The following NT5C variants were observed in gnomAD, a reference collection of about 807,000 sequenced individuals.
NT5C encodes the protein 5', 3'-nucleotidase, cytosolic.
A neutral mutation model predicts 17.6 loss-of-function variants in NT5C; 14 were observed. The observed-to-expected ratio is 0.79, with a 90% CI of 0.52 to 1.24. NT5C has a LOEUF of 1.24. Ranked by LOEUF, NT5C falls within the 50% of genes most tolerant of loss-of-function variation. The pLI is 0.00. For synonymous variants in NT5C, 153 were observed against 119.2 expected, an observed-to-expected ratio of 1.28 and a Z score of -1.85; for missense variants, 328 against 278.3, an observed-to-expected ratio of 1.18 and a Z score of -1.27.
At position 75,130,551 on chromosome 17, in the gene NT5C, G is replaced by A. The variant is rs1291111517; in HGVS notation, c.543C>T (p.Leu181=). 1.9e-6 allele frequency: 3 copies of A among 1,614,114 alleles called. No individual in the cohort carries two copies. Among genetic ancestry groups the A allele is most frequent in the Admixed American group, 1.7e-5 (1 of 60,016 alleles). Residue 181 remains leucine, a synonymous_variant, in exon 5 of 5, where the codon CTC becomes CTT. Coordinates refer to ENST00000245552, the MANE Select transcript of NT5C (RefSeq NM_014595.3). ...TCTCCCTCCAGTTGTCACTCCAGGA[G>A]AGCAGCCGTCTCCTTGTCGGGGGCA... The part of the protein sequence containing the change: ...LVLPPTRRRL[L]SWSDNWREIL...
rs4788867 is a variant in NT5C, at chr17:75,131,588, T to C, written c.120A>G (p.Gln40=). Residue 40 remains glutamine, a synonymous_variant, in exon 1 of 5, where the codon CAA becomes CAG. Coordinates refer to ENST00000245552, the MANE Select transcript of NT5C (RefSeq NM_014595.3). ...GCTCGCGGGCCAGGAAGCCGCGGCG[T>C]TGCTCCAGCGGCACGTGCGGCTCCT... The part of the protein sequence containing the change: ...FPEEPHVPLE[Q]RRGFLAREQY... 0.67 allele frequency: 937,939 copies of C among 1,390,974 alleles called. 322,369 individuals are homozygous for C. The highest frequency in any genetic ancestry group is 0.71 in the Non-Finnish European group (763,575 of 1,080,104). 86.2% of individuals were successfully genotyped at this position (1,390,974 alleles called of 1,614,324 possible).
At chr17:75,131,444 G>A (rs1340376413) in intron 1 of NT5C, 90 bp downstream of exon 1, 1 of 1,417,340 alleles carries the variant, frequency 7.1e-7, no homozygotes, top group Non-Finnish European at 9.3e-7. Context: ...GGGTTCCAGG[G>A]TGAGAGCTCT....
At chr17:75,131,015 A>C (rs3736076) in intron 3 of NT5C, 30 bp downstream of exon 3, 26 of 1,609,006 alleles carry the variant, frequency 1.6e-5, no homozygotes, top group Non-Finnish European at 2.1e-5. Context: ...AGGCAGCTCC[A>C]CGTGCGGAGT....
rs2074097272 is a variant in NT5C at position 75,130,416 on chromosome 17, G to A, written c.*72C>T. 1.3e-6 allele frequency: 2 copies of A among 1,569,538 alleles called. No individual in the cohort carries two copies. The highest frequency in any genetic ancestry group is 1.7e-5 in the Admixed American group (1 of 58,396). ...AGAGGCACCAGCACGATGCCGCCCC[G>A]ACTCGGCTCTGCGGTGGCCCCTGTG... On this transcript the variant is annotated 3_prime_UTR_variant, in exon 5 of 5. Coordinates refer to ENST00000245552, the MANE Select transcript of NT5C (RefSeq NM_014595.3).
rs3752801 is a variant in NT5C, at chr17:75,130,365, A to G, written c.*123T>C. 0.012 allele frequency: 14,481 copies of G among 1,253,924 alleles called. 1,874 individuals carry two copies. In the East Asian group the frequency reaches 0.29, roughly 25 times the overall value. 77.7% of individuals were successfully genotyped at this position (1,253,924 alleles called of 1,614,324 possible). ...GCCCGGTAGCACAGCGCTTAACGGT[A>G]TCTGCCTGCTCCACTCCACGGGGCC... is the stretch of plus-strand genomic sequence containing the variant. On this transcript the variant is annotated 3_prime_UTR_variant, in exon 5 of 5. Coordinates refer to ENST00000245552, the MANE Select transcript of NT5C (RefSeq NM_014595.3).
intron 3 of NT5C, 75 bp downstream of exon 3, chr17:75,130,970 G>A (rs771216623): frequency 6.9e-6 from 11 of 1,602,200 alleles, no homozygotes; most frequent in Non-Finnish European, 8.5e-6. Context: ...CCCACCTTCT[G>A]GGTTTCTGGT....
Position 75,131,736 on chromosome 17 carries a change from G to T in NT5C, c.-29C>A, listed in dbSNP as rs1193608607. The T allele has an allele frequency of 6.4e-6, 8 of 1,257,834 alleles. No individual in the cohort carries two copies. The highest frequency in any genetic ancestry group is 4.2e-5 in the Admixed American group (1 of 23,714). 77.9% of individuals were successfully genotyped at this position (1,257,834 alleles called of 1,614,324 possible). A position where few individuals can be genotyped will look rare whatever the true frequency, so the allele number is the denominator to read the frequency against. Reference sequence around the variant, plus strand: ...CGCCGGGCCGGAGCTGCGAGCTCTCGGGGTCTGGGGGGCGCGGGCTCGGCC... The same window carrying T: ...CGCCGGGCCGGAGCTGCGAGCTCTCTGGGTCTGGGGGGCGCGGGCTCGGCC... On this transcript the variant is annotated 5_prime_UTR_variant, in exon 1 of 5. Transcript: ENST00000245552.
chr17:75,130,907 A>G, intron 3 of NT5C, 40 bp from the exon 4 acceptor site: 1 of 1,613,520 alleles, frequency 6.2e-7, no homozygotes, highest in Non-Finnish European at 8.5e-7. Flanking sequence ...GCCTGATGGA[A>G]GCCGGAATTC....
chr17:75,131,395 C>T, intron 1 of NT5C, 114 bp from the exon 2 acceptor site: 1 of 1,400,228 alleles, frequency 7.1e-7, no homozygotes, highest in Non-Finnish European at 9.6e-7. Flanking sequence ...CGGTCAGGGG[C>T]ACGCGCCCAA....
At position 75,131,457 on chromosome 17, in the gene NT5C, G is replaced by A; in HGVS notation, c.174+77C>T. The A allele has an allele frequency of 5.0e-6, 7 of 1,412,644 alleles. No individual in the cohort carries two copies. The South Asian group carries it at 8.9e-5, about 18-fold the overall frequency. 87.5% of individuals were successfully genotyped at this position (1,412,644 alleles called of 1,614,324 possible). ...GCGGGTTCCAGGGTGAGAGCTCTGC[G>A]CCCTTCACAGAGAAGGGGGAGACCC... On this transcript the variant is annotated intron_variant, in intron 1 of 4. Transcript: ENST00000245552.
chr17:75,131,646 C>A lies in NT5C; in HGVS notation c.62G>T (p.Gly21Val), dbSNP rs755553384. The A allele has an allele frequency of 7.3e-7, 1 of 1,361,264 alleles. No homozygotes were observed. Among genetic ancestry groups the A allele is most frequent in the Non-Finnish European group, 9.4e-7 (1 of 1,062,050 alleles). 84.3% of individuals were successfully genotyped at this position (1,361,264 alleles called of 1,614,324 possible). A position where few individuals can be genotyped will look rare whatever the true frequency, so the allele number is the denominator to read the frequency against. ...GCGGCGGCGGAAGCCCCGCAGGAGG[C>A]CGGCCTCGAAGTCGGCCAGGACGCC... ...MDGVLADFEA[G>V]LLRGFRRRFP... Residue 21 changes from glycine (G) to valine (V), a missense_variant, in exon 1 of 5, where the codon GGC (glycine) becomes GTC (valine). By Grantham distance (109) the Gly-to-Val change is moderately radical (BLOSUM62 -3). Coordinates refer to ENST00000245552, the MANE Select transcript of NT5C (RefSeq NM_014595.3).
At chr17:75,130,711 C>A (rs778541196) in intron 4 of NT5C, 42 bp downstream of exon 4, 5 of 1,613,788 alleles carry the variant, frequency 3.1e-6, no homozygotes, top group Non-Finnish European at 4.2e-6. Context: ...CTAATCCGGG[C>A]AGGCCAGAGG....
rs1164619187 is a variant in NT5C at position 75,130,583 on chromosome 17, G to A, written c.511C>T (p.Leu171=). The A allele has an allele frequency of 2.5e-6, 4 of 1,614,110 alleles. No homozygotes were observed. The highest frequency in any genetic ancestry group is 1.3e-5 in the African/African-American group (1 of 74,954). The change falls in exon 5 of 5, where the codon CTG becomes TTG. Residue 171 remains leucine, a synonymous_variant. Transcript: ENST00000245552. ...CGTCTCCTTGTCGGGGGCAGGACCA[G>A]GTGCCGATTGTGGCAGCAGGTGAAC... is the stretch of plus-strand genomic sequence containing the variant. ...ILFTCCHNRH[L]VLPPTRRRLL... is the part of the protein sequence containing the mutation.
chr17:75,131,567 G>C lies in NT5C; in HGVS notation c.141C>G (p.Arg47=). The C allele has an allele frequency of 7.2e-7, 1 of 1,395,668 alleles. No individual in the cohort carries two copies. The highest frequency in any genetic ancestry group is 9.2e-7 in the Non-Finnish European group (1 of 1,083,608). 86.5% of individuals were successfully genotyped at this position (1,395,668 alleles called of 1,614,324 possible). Residue 47 remains arginine, a synonymous_variant, in exon 1 of 5, where the codon CGC becomes CGG. Transcript: ENST00000245552. ...PLEQRRGFLA[R]EQYRALRPDL... is the part of the protein sequence containing the mutation. ...CGGGCCGCAGGGCGCGGTACTGCTCGCGGGCCAGGAAGCCGCGGCGTTGCT... is the reference window on the plus strand; with the variant it reads ...CGGGCCGCAGGGCGCGGTACTGCTCCCGGGCCAGGAAGCCGCGGCGTTGCT...
chr17:75,130,903 T>C, intron 3 of NT5C, 36 bp from the exon 4 acceptor site: 2 of 1,613,716 alleles, frequency 1.2e-6, no homozygotes, highest in East Asian at 2.2e-5. Flanking sequence ...TAGGGCCTGA[T>C]GGAAGCCGGA....
intron 3 of NT5C, 89 bp from the exon 4 acceptor site, chr17:75,130,956 C>T (rs2074109431): frequency 6.2e-7 from 1 of 1,605,580 alleles, no homozygotes; most frequent in Non-Finnish European, 8.5e-7. Context: ...GAGAGCCCCC[C>T]ACCCCCACCT....
At chr17:75,131,358 C>G (rs2074121624) in intron 1 of NT5C, 77 bp from the exon 2 acceptor site, 1 of 1,516,352 alleles carries the variant, frequency 6.6e-7, no homozygotes, top group Non-Finnish European at 9.0e-7. Flanking sequence ...GGCTCCGGGC[C>G]CGAGCTCAGA....
intron 1 of NT5C, 123 bp from the exon 2 acceptor site, chr17:75,131,404 A>G: frequency 7.2e-7 from 1 of 1,396,218 alleles, no homozygotes; most frequent in Non-Finnish European, 9.6e-7. Context: ...GCACGCGCCC[A>G]AAGGCTCCTC....
chr17:75,130,521 T>C lies in NT5C; in HGVS notation c.573A>G (p.Leu191=), dbSNP rs1157316058. ...LSWSDNWREI[L]DSKRGAAQRE is the part of the protein sequence containing the mutation. ...GCTGCGCAGCTCCGCGCTTGCTATC[T>C]AAGATCTCCCTCCAGTTGTCACTCC... The change falls in exon 5 of 5, where the codon TTA becomes TTG. Residue 191 remains leucine, a synonymous_variant. Transcript: ENST00000245552. The C allele has an allele frequency of 6.2e-7, 1 of 1,614,160 alleles. No individual in the cohort carries two copies. The highest frequency in any genetic ancestry group is 1.1e-5 in the South Asian group (1 of 91,088).
Sources: allele counts gnomAD v4.1 joint callset, GRCh38; gene constraint gnomAD v4.1.1; transcripts MANE v1.5; gene names NCBI Gene and HGNC (gene_info 2026-07-23, HGNC 2026-07-21).